The following LAMC2 variants were observed in gnomAD, a reference collection of about 807,000 sequenced individuals.
LAMC2 encodes laminin subunit gamma 2.
A neutral mutation model predicts 140.2 loss-of-function variants in LAMC2; 97 were observed. The ratio of observed to expected loss-of-function variants is 0.69; its 90% CI spans 0.59 to 0.82. The LOEUF is 0.82. LAMC2 is among the 40% of genes least tolerant of loss of function. The pLI, the probability that LAMC2 is intolerant of heterozygous loss-of-function variation, is 0.00. For missense variants in LAMC2, 1,402 were observed against 1,476.1 expected, an observed-to-expected ratio of 0.95 and a Z score of 0.82; for synonymous variants, 513 against 540.2, an observed-to-expected ratio of 0.95 and a Z score of 0.70.
intron 2 of LAMC2, among the ~76,000 whole-genome samples, chr1:183,209,382 GT>G (rs1659003139): frequency 6.6e-6 from 1 of 152,152 alleles, no homozygotes; most frequent in Non-Finnish European, 1.5e-5. Context: ...TGGTAGAGTG[GT>G]TTGGGAGTCT....
rs749861901 is a variant in LAMC2 at position 183,220,847 on chromosome 1, C to T, written c.526C>T (p.Leu176=). The T allele has an allele frequency of 6.2e-7, 1 of 1,613,992 alleles. No individual in the cohort carries two copies. Among genetic ancestry groups the T allele is most frequent in the Non-Finnish European group, 8.5e-7 (1 of 1,179,832 alleles). ...CDRCRSGYYN[L]DGGNPEGCTQ... ...CAGGTGTCGATCAGGTTACTATAAT[C>T]TGGATGGGGGGAACCCTGAGGGCTG... Residue 176 remains leucine (L), a synonymous_variant, in exon 5 of 23, where the codon CTG becomes TTG. Coordinates refer to ENST00000264144, the MANE Select transcript of LAMC2 (RefSeq NM_005562.3).
chr1:183,197,865 T>A (rs1658571391), intron 1 of LAMC2, among the ~76,000 whole-genome samples: 1 of 151,908 alleles, frequency 6.6e-6, no homozygotes, highest in Non-Finnish European at 1.5e-5. Flanking sequence ...TGAGACGTTG[T>A]GGAGATTAAG....
chr1:183,231,904 C>G (rs1045434388), intron 12 of LAMC2, among the ~76,000 whole-genome samples: 1 of 152,184 alleles, frequency 6.6e-6, no homozygotes, highest in South Asian at 2.1e-4. Context: ...TAGATGTTAA[C>G]CCAGGTAGTC....
intron 2 of LAMC2, among the ~76,000 whole-genome samples, chr1:183,209,372 T>C (rs1477650053): frequency 2.6e-5 from 4 of 152,164 alleles, no homozygotes; most frequent in Non-Finnish European, 5.9e-5. Context: ...CATGAGTTGC[T>C]GGTAGAGTGG....
In LAMC2 at chr1:183,202,369, A is replaced by G. The variant is rs536553564; in HGVS notation, c.80-5512A>G. ...TGATGTTTATTAAATTAATAAAATAAATATACATCTCATTGACCAAGGATA... is the reference window on the plus strand; with the variant it reads ...TGATGTTTATTAAATTAATAAAATAGATATACATCTCATTGACCAAGGATA... On this transcript the variant is annotated intron_variant, in intron 1 of 22. Transcript: ENST00000264144. Among the ~76,000 whole-genome samples, 13 of 152,322 alleles carry G rather than the reference A, an allele frequency of 8.5e-5. No individual in the cohort carries two copies. In the South Asian group the frequency reaches 2.7e-3, roughly 32 times the overall value.
chr1:183,243,436 G>T lies in LAMC2; in HGVS notation c.*36G>T. 6.2e-7 allele frequency: 1 copy of T among 1,614,012 alleles called. No homozygotes were observed. Among genetic ancestry groups the T allele is most frequent in the Non-Finnish European group, 8.5e-7 (1 of 1,179,898 alleles). The stretch of plus-strand genomic sequence containing the variant: ...AATATTTCTCAACTGAGGTTCTTGG[G>T]ATACAGATCTCAGGGCTCGGGAGCC... On this transcript the variant is annotated 3_prime_UTR_variant, in exon 23 of 23. Coordinates refer to ENST00000264144, the MANE Select transcript of LAMC2 (RefSeq NM_005562.3).
chr1:183,206,491 A>C (rs1294167560), intron 1 of LAMC2, among the ~76,000 whole-genome samples: 1 of 152,072 alleles, frequency 6.6e-6, no homozygotes, highest in African/African-American at 2.4e-5. Flanking sequence ...CCAAAAATAT[A>C]AAAATTAGCT....
intron 15 of LAMC2, 114 bp from the exon 16 acceptor site, chr1:183,235,461 A>G (rs1168557916): frequency 2.6e-6 from 3 of 1,140,948 alleles, no homozygotes; most frequent in Non-Finnish European, 3.9e-6. Context: ...TCAGTTCTGT[A>G]GGGTTTTTCT....
the LAMC2 span, among the ~76,000 whole-genome samples, chr1:183,255,553 A>C: frequency 6.6e-6 from 1 of 152,094 alleles, no homozygotes; most frequent in East Asian, 1.9e-4. Flanking sequence ...ATCCATGAGC[A>C]TGAAATACTT....
Position 183,243,709 on chromosome 1 carries a change from C to A in LAMC2, c.*309C>A. ...AGGCAGATGTTTGCCTCATAATAGT[C>A]GTAAGTGGAGTCCTGGAATTTGGAC... On this transcript the variant is annotated 3_prime_UTR_variant, in exon 23 of 23. Transcript: ENST00000264144. 1 of 420,016 alleles carries A rather than the reference C, an allele frequency of 2.4e-6. No individual in the cohort carries two copies. Among genetic ancestry groups the A allele is most frequent in the South Asian group, 2.4e-5 (1 of 41,150 alleles). The allele number at this position is 420,016 out of a possible 1,614,324, so 26.0% of individuals were successfully genotyped here.
In LAMC2 at chr1:183,208,043, G is replaced by C; in HGVS notation, c.242G>C (p.Cys81Ser). Residue 81 changes from cysteine (C) to serine (S), a missense_variant, in exon 2 of 23, where the codon TGT becomes TCT. By Grantham distance (112) the Cys-to-Ser change is moderately radical. Transcript: ENST00000264144. The stretch of plus-strand genomic sequence containing the variant: ...TACCGGCACAGAGAAAGGGACCGCT[G>C]TTTGCCCTGCAATTGTAACTCCAAA... ...GFYRHRERDRCLPCNCNSKGS... is the reference protein window; with the variant it reads ...GFYRHRERDRSLPCNCNSKGS... 1.2e-6 allele frequency: 2 copies of C among 1,614,108 alleles called. No homozygotes were observed. Among genetic ancestry groups the C allele is most frequent in the Non-Finnish European group, 1.7e-6 (2 of 1,180,010 alleles).
Position 183,223,327 on chromosome 1 carries a change from A to G in LAMC2, c.953+3A>G. The G allele has an allele frequency of 6.2e-7, 1 of 1,613,922 alleles. No homozygotes were observed. Among genetic ancestry groups the G allele is most frequent in the Non-Finnish European group, 8.5e-7 (1 of 1,179,822 alleles). ...CTCACCAAGACTTACACATTCAGGT[A>G]AAAAGAGAGACCATAAGTAGGTCAA... is the stretch of plus-strand genomic sequence containing the variant. On this transcript the variant is annotated splice_donor_region_variant and intron_variant, in intron 7 of 22. Coordinates refer to ENST00000264144, the MANE Select transcript of LAMC2 (RefSeq NM_005562.3).
At chr1:183,255,457 C>T in the LAMC2 span, among the ~76,000 whole-genome samples, 15 of 152,054 alleles carry the variant, frequency 9.9e-5, no homozygotes, top group Non-Finnish European at 1.8e-4. Context: ...AGTATGAATG[C>T]TGCCATTGGG....
Position 183,240,790 on chromosome 1 carries a change from C to T in LAMC2, c.3328+399C>T, listed in dbSNP as rs190230172. 2.0e-5 allele frequency: 14 copies of T among 684,962 alleles called. No individual in the cohort carries two copies. In the East Asian group the frequency reaches 7.8e-4, roughly 38 times the overall value. 42.4% of individuals were successfully genotyped at this position (684,962 alleles called of 1,614,324 possible). ...ATTTCAGAAAGATCACTAGGGCAGC[C>T]GAGTGGAGGAAAGCTTGAAGAGGGG... On this transcript the variant is annotated intron_variant, in intron 22 of 22. Transcript: ENST00000264144.
chr1:183,216,649 A>G (rs875792), intron 3 of LAMC2, among the ~76,000 whole-genome samples: 24,545 of 151,724 alleles, frequency 0.16, 2,068 homozygotes, highest in East Asian at 0.26. Context: ...CCACCCCACT[A>G]TCTCCTCACA....
At chr1:183,193,675 T>A (rs949980254) in intron 1 of LAMC2, among the ~76,000 whole-genome samples, 1 of 152,218 alleles carries the variant, frequency 6.6e-6, no homozygotes, top group Non-Finnish European at 1.5e-5. Context: ...GCTCTTGCCC[T>A]ATCCAGGCAG....
chr1:183,206,843 G>A (rs1255633600), intron 1 of LAMC2, among the ~76,000 whole-genome samples: 1 of 151,974 alleles, frequency 6.6e-6, no homozygotes, highest in Non-Finnish European at 1.5e-5. Flanking sequence ...GTGTAGGGAA[G>A]GGAGGTTGGT....
At chr1:183,238,465 T>C (rs1236342021) in intron 19 of LAMC2, 44 bp downstream of exon 19, 1 of 1,287,646 alleles carries the variant, frequency 7.8e-7, no homozygotes, top group Admixed American at 1.7e-5. Flanking sequence ...TTTAAGTGTA[T>C]AGTCATGACC....
At chr1:183,222,344 C>A (rs1659501638) in intron 6 of LAMC2, 133 bp downstream of exon 6, 1 of 921,234 alleles carries the variant, frequency 1.1e-6, no homozygotes, top group Non-Finnish European at 1.8e-6. Context: ...GGTAGTGCAA[C>A]CCCAGAAGAG....
Sources: allele counts gnomAD v4.1 joint callset (sites outside exome capture counted in the v4.1 genomes callset), GRCh38; gene constraint gnomAD v4.1.1; transcripts MANE v1.5; gene names NCBI Gene and HGNC (gene_info 2026-07-23, HGNC 2026-07-21).